Variants in SMYD3 observed in about 807,000 individuals in gnomAD.
The protein encoded by SMYD3 is histone-lysine N-methyltransferase SMYD3.
SMYD3 carries 36 observed loss-of-function variants against 57.7 expected under a neutral mutation model. The ratio of observed to expected loss-of-function variants is 0.62; its 90% confidence interval spans 0.48 to 0.82. The LOEUF (loss-of-function observed/expected upper bound fraction) is 0.82. SMYD3 is among the 40% of genes least tolerant of loss of function. The pLI, the probability that SMYD3 is intolerant of heterozygous loss-of-function variation, is 0.00. For missense variants in SMYD3, 515 were observed against 538.8 expected (o/e 0.96, Z 0.44); for synonymous variants, 211 against 195.0 (o/e 1.08, Z -0.68).
At chr1:246,124,824 A>G (rs2061480589) in intron 5 of SMYD3, among the ~76,000 whole-genome samples, 1 of 149,206 alleles carries the variant, frequency 6.7e-6, no homozygotes, top group Non-Finnish European at 1.5e-5. Context: ...ACTGTAATAG[A>G]GTGATCTTTT....
At chr1:245,953,460 A>T (rs760899293) in intron 5 of SMYD3, 12 of 608,404 alleles carry the variant, frequency 2.0e-5, no homozygotes, top group Non-Finnish European at 2.5e-5. Context: ...TCGCTCTGTC[A>T]CCCAGGCTGG....
intron 5 of SMYD3, among the ~76,000 whole-genome samples, chr1:246,220,510 T>C (rs114396551): frequency 0.18 from 26,944 of 152,062 alleles, 2,755 homozygotes; most frequent in East Asian, 0.34. Flanking sequence ...GGAAGGCCCC[T>C]GACTGCACTC....
chr1:246,248,319 G>A (rs1049115750), intron 5 of SMYD3, among the ~76,000 whole-genome samples: 2 of 150,286 alleles, frequency 1.3e-5, no homozygotes, highest in Non-Finnish European at 2.9e-5. Flanking sequence ...ACACACGCTG[G>A]GCTCTCACAC....
At chr1:246,269,533 C>CT (rs139750750) in intron 5 of SMYD3, among the ~76,000 whole-genome samples, 39,144 of 137,960 alleles carry the variant, frequency 0.28, 6,605 homozygotes, top group East Asian at 0.69. Context: ...CTTTCTGTTT[C>CT]TTTTTTTTTC....
At chr1:246,436,237 C>G (rs2067372073) in intron 1 of SMYD3, among the ~76,000 whole-genome samples, 1 of 150,106 alleles carries the variant, frequency 6.7e-6, no homozygotes, top group Admixed American at 6.6e-5. Flanking sequence ...GAAAAAGAAC[C>G]TAATCTTCCT....
At chr1:245,773,513 G>C (rs2046422723) in intron 10 of SMYD3, among the ~76,000 whole-genome samples, 1 of 152,218 alleles carries the variant, frequency 6.6e-6, no homozygotes, top group African/African-American at 2.4e-5. Context: ...GGGCTGTGTG[G>C]ATGGCCCTCA....
intron 5 of SMYD3, among the ~76,000 whole-genome samples, chr1:246,073,298 A>G (rs1456149123): frequency 6.6e-6 from 1 of 152,200 alleles, no homozygotes; most frequent in African/African-American, 2.4e-5. Context: ...TCATGTATTT[A>G]TATGTCTCTA....
chr1:246,320,604 T>C (rs1172199161), intron 5 of SMYD3, among the ~76,000 whole-genome samples: 1 of 152,216 alleles, frequency 6.6e-6, no homozygotes, highest in Non-Finnish European at 1.5e-5. Context: ...GCAACTAGTC[T>C]ATTTTCTATT....
In SMYD3 at chr1:246,418,391, C is replaced by G. The variant is rs1981233; in HGVS notation, c.165-63297G>C. The stretch of plus-strand genomic sequence containing the variant: ...TCTAGGGGGAGCATACAGATGGGCA[C>G]GTTGTGGGGCTCGGACCCCATGGCA... On this transcript the variant is annotated intron_variant, in intron 1 of 11. Transcript: ENST00000490107. 3.8e-3 allele frequency among the ~76,000 whole-genome samples: 586 copies of G among 152,216 alleles called. 8 individuals are homozygous for G. The highest frequency in any genetic ancestry group is 0.012 in the African/African-American group (516 of 41,542).
intron 5 of SMYD3, among the ~76,000 whole-genome samples, chr1:246,075,233 G>GA (rs2060526907): frequency 6.6e-6 from 1 of 152,104 alleles, no homozygotes; most frequent in Non-Finnish European, 1.5e-5. Context: ...AATGTGATAT[G>GA]AATAAAATGT....
intron 10 of SMYD3, among the ~76,000 whole-genome samples, chr1:245,790,946 A>C (rs2047242561): frequency 1.3e-5 from 2 of 152,200 alleles, no homozygotes; most frequent in African/African-American, 4.8e-5. Context: ...CTCAAAGCCC[A>C]GGGAAAATAA....
At chr1:246,398,497 T>G (rs1482872264) in intron 1 of SMYD3, among the ~76,000 whole-genome samples, 1 of 152,232 alleles carries the variant, frequency 6.6e-6, no homozygotes, top group Non-Finnish European at 1.5e-5. Flanking sequence ...CATAGAGAGA[T>G]GTACAACATG....
chr1:246,436,384 G>C (rs2067373831), intron 1 of SMYD3, among the ~76,000 whole-genome samples: 1 of 152,008 alleles, frequency 6.6e-6, no homozygotes, highest in Admixed American at 6.5e-5. Flanking sequence ...TTTAAAAGGG[G>C]GGCCTACAAT....
intron 1 of SMYD3, among the ~76,000 whole-genome samples, chr1:246,358,931 C>T (rs1280532921): frequency 6.6e-6 from 1 of 151,866 alleles, no homozygotes; most frequent in African/African-American, 2.4e-5. Context: ...CAATCCAAAC[C>T]CAAATGCAGC....
chr1:246,100,146 G>C (rs1350672975), intron 5 of SMYD3, among the ~76,000 whole-genome samples: 1 of 152,192 alleles, frequency 6.6e-6, no homozygotes, highest in African/African-American at 2.4e-5. Context: ...AGGAGTTCAA[G>C]GCCGTGGTGA....
chr1:245,806,621 A>G (rs1046007017), intron 10 of SMYD3, among the ~76,000 whole-genome samples: 1 of 152,140 alleles, frequency 6.6e-6, no homozygotes, highest in African/African-American at 2.4e-5. Context: ...GGGTTAAAAG[A>G]GGGAGAAGGC....
chr1:246,085,878 C>T (rs1011815370), intron 5 of SMYD3, among the ~76,000 whole-genome samples: 1 of 152,012 alleles, frequency 6.6e-6, no homozygotes. Flanking sequence ...TCTGATCAAC[C>T]TTAAAGGATT....
intron 10 of SMYD3, among the ~76,000 whole-genome samples, chr1:245,839,091 C>T (rs938106226): frequency 3.3e-5 from 5 of 152,208 alleles, no homozygotes; most frequent in African/African-American, 4.8e-5. Context: ...TCTGTCTCTG[C>T]CCTCTCCTTG....
intron 5 of SMYD3, among the ~76,000 whole-genome samples, chr1:245,977,846 T>C (rs2058490653): frequency 6.6e-6 from 1 of 152,222 alleles, no homozygotes; most frequent in South Asian, 2.1e-4. Flanking sequence ...ACTACTTTTA[T>C]AGTGCACTCG....
Sources: gnomAD v4.1 joint callset for allele counts (sites outside exome capture counted in the v4.1 genomes callset) on GRCh38, gnomAD v4.1.1 for gene constraint, MANE v1.5 for transcripts, NCBI Gene and HGNC (gene_info 2026-07-23, HGNC 2026-07-21) for gene names.